SLC2A10: variants seen among roughly 807,000 people sequenced by gnomAD.
SLC2A10 encodes solute carrier family 2, facilitated glucose transporter member 10.
Under a neutral mutation model 32.1 loss-of-function variants are expected in SLC2A10, and 25 were observed. That is an observed-to-expected ratio of 0.78 (90% CI 0.57 to 1.09). SLC2A10 has a LOEUF of 1.09. Among genes scored for constraint, SLC2A10 ranks in the 50% least tolerant of loss-of-function variants. The pLI is 0.00. For synonymous variants in SLC2A10, 332 were observed against 309.6 expected, an observed-to-expected ratio of 1.07 and a Z score of -0.76; for missense variants, 673 against 686.5, an observed-to-expected ratio of 0.98 and a Z score of 0.22.
intron 4 of SLC2A10, among the ~76,000 whole-genome samples, chr20:46,729,860 G>C (rs1445638671): frequency 6.6e-6 from 1 of 151,868 alleles, no homozygotes; most frequent in African/African-American, 2.4e-5. Flanking sequence ...TCGATCTCCT[G>C]ACCTCGTGAT....
rs1018462591 is a variant in SLC2A10, at chr20:46,735,293, A to G, written c.*1459A>G. 1 of 152,596 alleles carries G rather than the reference A, an allele frequency of 6.6e-6. No homozygotes were observed. The highest frequency in any genetic ancestry group is 2.4e-5 in the African/African-American group (1 of 41,430). The allele number at this position is 152,596 out of a possible 1,614,324, so 9.5% of individuals were successfully genotyped here. On this transcript the variant is annotated 3_prime_UTR_variant, in exon 5 of 5. Transcript: ENST00000359271. ...CCTCTCGAGTTCTCCTATCTTCTCC[A>G]TTCTAGATGCTTCCCTTGTATCCAG...
chr20:46,726,816 C>T (rs1979989114), intron 2 of SLC2A10, 48 bp from the exon 3 acceptor site: 3 of 1,613,176 alleles, frequency 1.9e-6, no homozygotes, highest in South Asian at 1.1e-5. Flanking sequence ...TGGTGCCAGG[C>T]CCCAGGTCCC....
In SLC2A10 at chr20:46,727,002, A is replaced by G. The variant is rs751264767; in HGVS notation, c.1411+16A>G. On this transcript the variant is annotated intron_variant, in intron 3 of 4. Coordinates refer to ENST00000359271, the MANE Select transcript of SLC2A10 (RefSeq NM_030777.4). ...GATCTCATTGGTGAGTCCTTCCCAG[A>G]CAAGTCCGTTTTTTTTCTGTGGCCC... The G allele has an allele frequency of 2.6e-5, 42 of 1,614,200 alleles. No individual in the cohort carries two copies. Among genetic ancestry groups the G allele is most frequent in the South Asian group, 1.3e-4 (12 of 91,082 alleles).
At chr20:46,724,824 G>A (rs1025495350) in intron 1 of SLC2A10, among the ~76,000 whole-genome samples, 15 of 149,972 alleles carry the variant, frequency 1.0e-4, no homozygotes, top group Non-Finnish European at 1.9e-4. Context: ...TGGATGGATG[G>A]ATGGATGGAT....
intron 3 of SLC2A10, 142 bp downstream of exon 3, chr20:46,727,128 C>A: frequency 8.6e-7 from 1 of 1,167,144 alleles, no homozygotes; most frequent in Non-Finnish European, 1.3e-6. Flanking sequence ...AAGACGACAT[C>A]CAGGACCCTC....
chr20:46,729,119 T>A (rs1600671414), intron 3 of SLC2A10, among the ~76,000 whole-genome samples: 2 of 152,204 alleles, frequency 1.3e-5, no homozygotes, highest in Non-Finnish European at 2.9e-5. Flanking sequence ...TGCCTTTGTC[T>A]CTGTGCTTGT....
intron 3 of SLC2A10, among the ~76,000 whole-genome samples, chr20:46,728,568 T>C (rs1480847741): frequency 1.3e-5 from 2 of 151,632 alleles, no homozygotes; most frequent in African/African-American, 4.9e-5. Context: ...GAATGATCAA[T>C]TCACTGAATG....
At chr20:46,715,456 A>G (rs1979180299) in intron 1 of SLC2A10, among the ~76,000 whole-genome samples, 1 of 152,174 alleles carries the variant, frequency 6.6e-6, no homozygotes, top group Non-Finnish European at 1.5e-5. Context: ...TTTCTGGGAA[A>G]AAGCCTCAGG....
In SLC2A10 at chr20:46,734,218, A is replaced by G. The variant is rs1568990583; in HGVS notation, c.*384A>G. ...ATCACCCCTAAATCCAAATGAGGATATCATCTTTTCTAATCTCTTTTTTCA... is the reference window on the plus strand; with the variant it reads ...ATCACCCCTAAATCCAAATGAGGATGTCATCTTTTCTAATCTCTTTTTTCA... On this transcript the variant is annotated 3_prime_UTR_variant, in exon 5 of 5. Transcript: ENST00000359271. The G allele has an allele frequency of 7.2e-6, 2 of 278,334 alleles. No homozygotes were observed. 17.2% of individuals were successfully genotyped at this position (278,334 alleles called of 1,614,324 possible).
chr20:46,712,651 C>CTTTTTTTTTTTTTTTTTTTTTTTTTTT (rs11477202), intron 1 of SLC2A10, among the ~76,000 whole-genome samples: 11 of 94,420 alleles, frequency 1.2e-4, no homozygotes, highest in Non-Finnish European at 1.6e-4. Context: ...TTCTTTCTTT[C>CTTTTTTTTTTTTTTTTTTTTTTTTTTT]TTTTTTTTTT....
Position 46,724,928 on chromosome 20 carries a change from T to TG in SLC2A10, c.5-111dup. 2.9e-6 allele frequency: 4 copies of TG among 1,373,722 alleles called. No homozygotes were observed. In the South Asian group the frequency reaches 3.7e-5, roughly 13 times the overall value. The allele number at this position is 1,373,722 out of a possible 1,614,324, so 85.1% of individuals were successfully genotyped here. On this transcript the variant is annotated intron_variant, in intron 1 of 4. Coordinates refer to ENST00000359271, the MANE Select transcript of SLC2A10 (RefSeq NM_030777.4). Reference sequence around the variant, plus strand: ...TGGTTTGAATGGATGGTTGAATAGATGGAGTAGATGGATGGATAAATGAAG... The same window carrying TG: ...TGGTTTGAATGGATGGTTGAATAGATGGGAGTAGATGGATGGATAAATGAAG...
rs764422861 is a variant in SLC2A10, at chr20:46,725,804, C to T, written c.768C>T (p.Thr256=). ...CCAACGTGCTGTGCTATGCCTCCAC[C>T]ATCTTCAGCTCCGTTGGTTTCCATG... ...GQPNVLCYAS[T]IFSSVGFHGG... Residue 256 remains threonine, a synonymous_variant, in exon 2 of 5, where the codon ACC becomes ACT. Transcript: ENST00000359271. 3.1e-6 allele frequency: 5 copies of T among 1,614,242 alleles called. No individual in the cohort carries two copies. The South Asian group carries it at 5.5e-5, about 18-fold the overall frequency.
chr20:46,721,863 T>C (rs890080042), intron 1 of SLC2A10, among the ~76,000 whole-genome samples: 8 of 152,316 alleles, frequency 5.3e-5, no homozygotes, highest in Non-Finnish European at 7.4e-5. Context: ...GGAGAGTACA[T>C]GTGACTGGTA....
Position 46,733,873 on chromosome 20 carries a change from G to A in SLC2A10, c.*39G>A. ...CTGGAAATTCTGGAACTGTGGCTTTGGCAGACCATCTCCAGCATCCTGCTT... is the reference window on the plus strand; with the variant it reads ...CTGGAAATTCTGGAACTGTGGCTTTAGCAGACCATCTCCAGCATCCTGCTT... On this transcript the variant is annotated 3_prime_UTR_variant, in exon 5 of 5. Coordinates refer to ENST00000359271, the MANE Select transcript of SLC2A10 (RefSeq NM_030777.4). The A allele has an allele frequency of 6.3e-7, 1 of 1,592,306 alleles. No individual in the cohort carries two copies. The highest frequency in any genetic ancestry group is 1.1e-5 in the South Asian group (1 of 90,438).
At chr20:46,728,604 G>GTTTTTTTTTTT in intron 3 of SLC2A10, among the ~76,000 whole-genome samples, 1 of 101,352 alleles carries the variant, frequency 9.9e-6, no homozygotes. Flanking sequence ...TTCTGGGTGT[G>GTTTTTTTTTTT]TTTTTTTTTT....
intron 1 of SLC2A10, among the ~76,000 whole-genome samples, chr20:46,712,360 C>T (rs1978960198): frequency 2.0e-5 from 3 of 152,304 alleles, no homozygotes; most frequent in South Asian, 4.1e-4. Context: ...GTGTCACCAA[C>T]GGGAGGCCTA....
In SLC2A10 at chr20:46,725,609, G is replaced by T; in HGVS notation, c.573G>T (p.Glu191Asp). The T allele has an allele frequency of 1.9e-6, 3 of 1,614,164 alleles. No homozygotes were observed. The highest frequency in any genetic ancestry group is 2.5e-6 in the Non-Finnish European group (3 of 1,180,026). Reference sequence around the variant, plus strand: ...TCTTCCTCCCTGCTGGTACAGATGAGACTGCAACACACAAGGACCTCATCC... The same window carrying T: ...TCTTCCTCCCTGCTGGTACAGATGATACTGCAACACACAAGGACCTCATCC... The part of the protein sequence containing the change: ...SLLFLPAGTD[E>D]TATHKDLIPL... Residue 191 changes from glutamate (E) to aspartate (D), a missense_variant, in exon 2 of 5, where the codon GAG (glutamate) becomes GAT (aspartate). Coordinates refer to ENST00000359271, the MANE Select transcript of SLC2A10 (RefSeq NM_030777.4).
chr20:46,709,604 A>G, upstream of SLC2A10: 3 of 1,121,702 alleles, frequency 2.7e-6, no homozygotes, highest in Non-Finnish European at 3.6e-6. Flanking sequence ...TGCGCGCGGG[A>G]GGGCAGGGCA....
chr20:46,733,966 C>A lies in SLC2A10; in HGVS notation c.*132C>A. The A allele has an allele frequency of 2.4e-6, 2 of 823,844 alleles. No homozygotes were observed. The highest frequency in any genetic ancestry group is 2.9e-5 in the South Asian group (2 of 69,478). The allele number at this position is 823,844 out of a possible 1,614,324, so 51.0% of individuals were successfully genotyped here. On this transcript the variant is annotated 3_prime_UTR_variant, in exon 5 of 5. Coordinates refer to ENST00000359271, the MANE Select transcript of SLC2A10 (RefSeq NM_030777.4). ...GGCCCCTGCCCCCAAAGGTGGTCTG[C>A]TTTTGCTGGGGTAAAAAGGATGAAA...
Sources: allele counts gnomAD v4.1 joint callset (sites outside exome capture counted in the v4.1 genomes callset), GRCh38; gene constraint gnomAD v4.1.1; transcripts MANE v1.5; gene names NCBI Gene and HGNC (gene_info 2026-07-23, HGNC 2026-07-21).